Variants in DENND4A observed in about 807,000 individuals in gnomAD.
DENND4A encodes C-myc promoter-binding protein.
A neutral mutation model predicts 199.3 loss-of-function variants in DENND4A; 70 were observed. That is an observed-to-expected ratio of 0.35 (90% CI 0.29 to 0.43). The LOEUF is 0.43. Among genes scored for constraint, DENND4A ranks in the 20% least tolerant of loss-of-function variants. The pLI, the probability that DENND4A is intolerant of heterozygous loss-of-function variation, is 1.00. For missense variants in DENND4A, 1,723 were observed against 2,255.8 expected, an observed-to-expected ratio of 0.76 and a Z score of 4.78; for synonymous variants, 686 against 766.9, an observed-to-expected ratio of 0.89 and a Z score of 1.74.
intron 22 of DENND4A, 115 bp downstream of exon 22, chr15:65,696,251 C>G: frequency 7.5e-7 from 1 of 1,340,370 alleles, no homozygotes; most frequent in Non-Finnish European, 9.9e-7. Flanking sequence ...AGAGGCTGCA[C>G]AAAATATTTT....
At chr15:65,742,383 A>C (rs762267274) in intron 4 of DENND4A, among the ~76,000 whole-genome samples, 7 of 151,872 alleles carry the variant, frequency 4.6e-5, no homozygotes, top group Non-Finnish European at 8.8e-5. Flanking sequence ...TCCTGGGTTC[A>C]AGTGATTCTC....
rs1038227560 is a variant in DENND4A, at chr15:65,718,760, C to CTTTTTTTTTTTTTTTTTT, written c.1589-782_1589-765dup. ...TCAAAAGTTTTGCATGTTTTTTTTC[C>CTTTTTTTTTTTTTTTTTT]TTTTTTTTTTTTTTTTTTTTTTTTT... On this transcript the variant is annotated intron_variant, in intron 12 of 32. Coordinates refer to ENST00000443035, the MANE Select transcript of DENND4A (RefSeq NM_001320835.1). Among the ~76,000 whole-genome samples the CTTTTTTTTTTTTTTTTTT allele has an allele frequency of 7.4e-5, 5 of 67,738 alleles. 1 individual carries two copies. The highest frequency in any genetic ancestry group is 2.0e-4 in the African/African-American group (4 of 20,068). The allele number at this position is 67,738 out of a possible 152,430, so 44.4% of individuals were successfully genotyped here.
chr15:65,691,273 A>G lies in DENND4A; in HGVS notation c.3321T>C (p.Asp1107=). ...AGATAACATTTGAAAGAATTTTTGC[A>G]TCAGCTCCCAATTTTTCAACTATAT... ...PGDIVEKLGA[D]AKILSNVISK... Residue 1107 remains aspartate, a synonymous_variant, in exon 23 of 33, where the codon GAT becomes GAC. Coordinates refer to ENST00000443035, the MANE Select transcript of DENND4A (RefSeq NM_001320835.1). 3 of 1,613,178 alleles carry G rather than the reference A, an allele frequency of 1.9e-6. No individual in the cohort carries two copies. Among genetic ancestry groups the G allele is most frequent in the Non-Finnish European group, 2.5e-6 (3 of 1,179,638 alleles).
chr15:65,668,429 G>A (rs766683557), intron 27 of DENND4A, among the ~76,000 whole-genome samples: 1 of 151,960 alleles, frequency 6.6e-6, no homozygotes, highest in Non-Finnish European at 1.5e-5. Context: ...GGCTGGTCTC[G>A]AACTCCCAGG....
chr15:65,696,599 G>T, intron 21 of DENND4A, 102 bp from the exon 22 acceptor site: 1 of 801,724 alleles, frequency 1.2e-6, no homozygotes, highest in Non-Finnish European at 1.9e-6. Flanking sequence ...CTTGAAAATA[G>T]GTGACAAGAA....
chr15:65,738,487 G>GA (rs1279946152), intron 6 of DENND4A, among the ~76,000 whole-genome samples: 7 of 152,072 alleles, frequency 4.6e-5, no homozygotes, highest in African/African-American at 1.7e-4. Context: ...ATTTGATGAT[G>GA]AAAAAATCTT....
At position 65,706,111 on chromosome 15, in the gene DENND4A, T is replaced by A; in HGVS notation, c.2067A>T (p.Glu689Asp). 6.2e-7 allele frequency: 1 copy of A among 1,601,824 alleles called. No homozygotes were observed. The highest frequency in any genetic ancestry group is 8.5e-7 in the Non-Finnish European group (1 of 1,174,540). ...PPEIPHLPNG[E>D]EPPLQYSYNG... ...AATACCTGTACTGTAAAGGGGGTTC[T>A]TCACCATTGGGTAGGTGGGGGATCT... is the stretch of plus-strand genomic sequence containing the variant. Residue 689 changes from glutamate to aspartate, a missense_variant, in exon 15 of 33, where the codon GAA (glutamate) becomes GAT (aspartate). Physicochemically the swap from Glu to Asp is conservative, Grantham distance 45. This residue lies in a region of DENND4A where 725 missense variants were observed against 952.9 expected (regional missense o/e 0.76). Coordinates refer to ENST00000443035, the MANE Select transcript of DENND4A (RefSeq NM_001320835.1).
intron 32 of DENND4A, among the ~76,000 whole-genome samples, 169 bp downstream of exon 32, chr15:65,664,154 CCAGTTAG>C (rs1265193012): frequency 2.2e-4 from 34 of 152,196 alleles, no homozygotes; most frequent in African/African-American, 7.5e-4. Flanking sequence ...AAACCTTATA[CCAGTTAG>C]CAGTCACTCC....
At chr15:65,706,369 G>A in intron 14 of DENND4A, 145 bp from the exon 15 acceptor site, 2 of 740,084 alleles carry the variant, frequency 2.7e-6, no homozygotes, top group Non-Finnish European at 3.9e-6. Context: ...CTCTATGAGT[G>A]CCAAAATAAT....
chr15:65,756,633 T>A (rs747182571), intron 2 of DENND4A, among the ~76,000 whole-genome samples, 161 bp from the exon 3 acceptor site: 1 of 152,204 alleles, frequency 6.6e-6, no homozygotes, highest in African/African-American at 2.4e-5. Context: ...AATTTAACAA[T>A]AAAAACATCT....
At chr15:65,733,379 G>A (rs979603427) in intron 7 of DENND4A, among the ~76,000 whole-genome samples, 2 of 151,932 alleles carry the variant, frequency 1.3e-5, no homozygotes, top group Non-Finnish European at 2.9e-5. Flanking sequence ...AGCAACCATA[G>A]TGAAAAATCT....
chr15:65,717,794 A>G lies in DENND4A; in HGVS notation c.1791T>C (p.Ser597=). The change falls in exon 13 of 33, where the codon TCT becomes TCC. Residue 597 remains serine, a synonymous_variant. Transcript: ENST00000443035. ...GTCACTCACCTTGTAGGGCAAAGAGAGAGGCTGCATCTGTGGCTGTCTCAG... is the reference window on the plus strand; with the variant it reads ...GTCACTCACCTTGTAGGGCAAAGAGGGAGGCTGCATCTGTGGCTGTCTCAG... The part of the protein sequence containing the change: ...APSETATDAA[S]LFALQAFLRS... The G allele has an allele frequency of 6.2e-7, 1 of 1,603,664 alleles. No homozygotes were observed. The highest frequency in any genetic ancestry group is 8.5e-7 in the Non-Finnish European group (1 of 1,174,528).
chr15:65,667,956 C>T lies in DENND4A; in HGVS notation c.4955G>A (p.Gly1652Asp), dbSNP rs1156807712. 6.2e-7 allele frequency: 1 copy of T among 1,609,690 alleles called. No homozygotes were observed. The highest frequency in any genetic ancestry group is 8.5e-7 in the Non-Finnish European group (1 of 1,178,998). ...DTGRQKLIST[G>D]SLPATLQGAT... ...TCCTTGTAAAGTAGCTGGCAGGCTGCCTGTAGAAATGAGCTTCTGTCTTCC... is the reference window on the plus strand; with the variant it reads ...TCCTTGTAAAGTAGCTGGCAGGCTGTCTGTAGAAATGAGCTTCTGTCTTCC... The change falls in exon 28 of 33, where the codon GGC (glycine) becomes GAC (aspartate). Residue 1652 changes from glycine (G) to aspartate (D), a missense_variant. Gly to Asp is a moderately conservative substitution (Grantham distance 94). This residue lies in a region of DENND4A where 141 missense variants were observed against 170.7 expected (regional missense o/e 0.83). Transcript: ENST00000443035.
chr15:65,681,426 C>T (rs1195621598), intron 23 of DENND4A: 2 of 150,312 alleles, frequency 1.3e-5, no homozygotes, highest in African/African-American at 4.9e-5. Flanking sequence ...ATGGCTATAA[C>T]TTTATGAAAT....
rs371061986 is a variant in DENND4A, at chr15:65,729,128, G to C, written c.1431C>G (p.Leu477=). ...IVGIDSRYFD[L]YDPPPDVSCV... is the part of the protein sequence containing the mutation. ...AACTGACATCTGGTGGAGGATCATA[G>C]AGATCAAAGTATCTTGAATCAATCC... is the stretch of plus-strand genomic sequence containing the variant. Residue 477 remains leucine, a synonymous_variant, in exon 11 of 33, where the codon CTC becomes CTG. Coordinates refer to ENST00000443035, the MANE Select transcript of DENND4A (RefSeq NM_001320835.1). 7.5e-6 allele frequency: 12 copies of C among 1,593,236 alleles called. No homozygotes were observed. Among genetic ancestry groups the C allele is most frequent in the Non-Finnish European group, 9.4e-6 (11 of 1,168,796 alleles).
chr15:65,672,006 A>T (rs2076233463), intron 24 of DENND4A, 120 bp from the exon 25 acceptor site: 1 of 670,594 alleles, frequency 1.5e-6, no homozygotes, highest in African/African-American at 1.8e-5. Context: ...CAAAATATTA[A>T]AACTAATTAG....
At chr15:65,761,517 A>T (rs2076847802) in intron 1 of DENND4A, 79 bp from the exon 2 acceptor site, 1 of 152,198 alleles carries the variant, frequency 6.6e-6, no homozygotes, top group Non-Finnish European at 1.5e-5. Flanking sequence ...GGATACTTAA[A>T]GTTCTGTTAA....
chr15:65,719,452 G>A (rs2075534803), intron 12 of DENND4A: 1 of 151,642 alleles, frequency 6.6e-6, no homozygotes, highest in African/African-American at 2.4e-5. Flanking sequence ...TTTTATAGTA[G>A]AGAAGTCTAG....
intron 23 of DENND4A, among the ~76,000 whole-genome samples, chr15:65,684,818 ATTTTTTTT>A (rs541989496): frequency 9.5e-6 from 1 of 104,982 alleles, no homozygotes; most frequent in African/African-American, 3.6e-5. Flanking sequence ...TTTTCTTCCA[ATTTTTTTT>A]TTTTTTTTTT....
Sources: gnomAD v4.1 joint callset for allele counts (sites outside exome capture counted in the v4.1 genomes callset) on GRCh38, gnomAD v4.1.1 for gene constraint, gnomAD v4.1.1 regional missense constraint, MANE v1.5 for transcripts, NCBI Gene and HGNC (gene_info 2026-07-23, HGNC 2026-07-21) for gene names.